The following CCNT1 variants were observed in gnomAD, a reference collection of about 807,000 sequenced individuals.
The protein encoded by CCNT1 is cyclin-T1.
CCNT1 carries 18 observed loss-of-function variants against 67.3 expected under a neutral mutation model. That is an observed-to-expected ratio of 0.27 (90% CI 0.18 to 0.40). The LOEUF is 0.40. CCNT1 is among the 10% of genes least tolerant of loss of function. The probability of loss-of-function intolerance (pLI) is 1.00; values close to 1 mark genes in which losing one functional copy is unlikely to be tolerated. For missense variants in CCNT1, 744 were observed against 884.9 expected, an observed-to-expected ratio of 0.84 and a Z score of 2.02; for synonymous variants, 333 against 310.3, an observed-to-expected ratio of 1.07 and a Z score of -0.77.
At position 48,716,546 on chromosome 12, in the gene CCNT1, G is replaced by A. The variant is rs377260056; in HGVS notation, c.130C>T (p.Leu44=). ...AGACGCTGCCCCATGTCCTGAAGCA[G>A]ATTGGCCGCCTGCTGGCGATAAGAA... ...ELSYRQQAAN[L]LQDMGQRLNV... The change falls in exon 1 of 9, where the codon CTG becomes TTG. Residue 44 remains leucine (L), a synonymous_variant. Coordinates refer to ENST00000261900, the MANE Select transcript of CCNT1 (RefSeq NM_001240.4). The A allele has an allele frequency of 4.3e-6, 7 of 1,614,240 alleles. No individual in the cohort carries two copies. Among genetic ancestry groups the A allele is most frequent in the Non-Finnish European group, 5.9e-6 (7 of 1,180,020 alleles).
At chr12:48,702,031 G>A (rs1164927612) in intron 3 of CCNT1, among the ~76,000 whole-genome samples, 2 of 152,030 alleles carry the variant, frequency 1.3e-5, no homozygotes, top group African/African-American at 4.8e-5. Context: ...CGAGTAGGTG[G>A]GATTACAGGA....
In CCNT1 at chr12:48,693,938, G is replaced by C. The variant is rs751567115; in HGVS notation, c.1276C>G (p.Leu426Val). 1 of 1,614,180 alleles carries C rather than the reference G, an allele frequency of 6.2e-7. No homozygotes were observed. The highest frequency in any genetic ancestry group is 1.1e-5 in the South Asian group (1 of 91,088). ...SQYAYAAQNL[L>V]SHHDSHSSVI... Reference sequence around the variant, plus strand: ...GAAGAATGGCTATCATGATGAGAAAGGAGATTCTGGGCAGCATATGCATAT... The same window carrying C: ...GAAGAATGGCTATCATGATGAGAAACGAGATTCTGGGCAGCATATGCATAT... The change falls in exon 9 of 9, where the codon CTT (leucine) becomes GTT (valine). Residue 426 changes from leucine (L) to valine (V), a missense_variant. By Grantham distance (32) the Leu-to-Val change is conservative. Around this residue, in one of 3 missense-constraint regions of CCNT1, gnomAD observed 564 missense variants for 574.2 expected, o/e 0.98. Coordinates refer to ENST00000261900, the MANE Select transcript of CCNT1 (RefSeq NM_001240.4).
At chr12:48,695,066 C>G (rs538506712) in intron 8 of CCNT1, among the ~76,000 whole-genome samples, 3 of 152,198 alleles carry the variant, frequency 2.0e-5, no homozygotes, top group Admixed American at 2.0e-4. Flanking sequence ...TCAGTTGATC[C>G]GCCTGCCTTG....
chr12:48,714,252 T>C (rs1207770057), intron 2 of CCNT1, among the ~76,000 whole-genome samples, 191 bp downstream of exon 2: 1 of 152,064 alleles, frequency 6.6e-6, no homozygotes, highest in Admixed American at 6.6e-5. Context: ...CTAAATCCAC[T>C]AGACAAGTAG....
rs776315666 is a variant in CCNT1 at position 48,693,002 on chromosome 12, G to T, written c.*31C>A. Reference sequence around the variant, plus strand: ...AAGAAAAATTATGTGTTTTTTTAAAGAAGTTTTTTTCTCCTCTTCTTTTTC... The same window carrying T: ...AAGAAAAATTATGTGTTTTTTTAAATAAGTTTTTTTCTCCTCTTCTTTTTC... On this transcript the variant is annotated 3_prime_UTR_variant, in exon 9 of 9. Transcript: ENST00000261900. 5 of 1,352,152 alleles carry T rather than the reference G, an allele frequency of 3.7e-6. No homozygotes were observed. The South Asian group carries it at 4.4e-5, about 12-fold the overall frequency. The allele number at this position is 1,352,152 out of a possible 1,614,324, so 83.8% of individuals were successfully genotyped here. A position where few individuals can be genotyped will look rare whatever the true frequency, so the allele number is the denominator to read the frequency against.
intron 5 of CCNT1, among the ~76,000 whole-genome samples, chr12:48,699,391 A>G (rs1008662688): frequency 1.3e-5 from 2 of 152,218 alleles, no homozygotes; most frequent in African/African-American, 4.8e-5. Context: ...AATTAAAAAG[A>G]AAAGTTCTGC....
chr12:48,694,941 A>G (rs1030683047), intron 8 of CCNT1, among the ~76,000 whole-genome samples: 2 of 152,202 alleles, frequency 1.3e-5, no homozygotes, highest in African/African-American at 2.4e-5. Flanking sequence ...CTCCTGTCTC[A>G]GCCTCCCAAG....
Position 48,695,820 on chromosome 12 carries a change from T to C in CCNT1, c.716A>G (p.His239Arg). 1 of 1,610,532 alleles carries C rather than the reference T, an allele frequency of 6.2e-7. No homozygotes were observed. The highest frequency in any genetic ancestry group is 8.5e-7 in the Non-Finnish European group (1 of 1,176,674). ...TTTCTCCAAAATCTGTAGAAACTCA[T>C]GTGTCAGTTCTACAAGTAAAACAGA... ...VTLELLDELT[H>R]EFLQILEKTP... is the part of the protein sequence containing the mutation. The change falls in exon 8 of 9, where the codon CAT becomes CGT. Residue 239 changes from histidine to arginine, a missense_variant. By Grantham distance (29) the His-to-Arg change is conservative. Transcript: ENST00000261900.
chr12:48,695,974 C>T, intron 7 of CCNT1, 25 bp downstream of exon 7: 1 of 1,612,276 alleles, frequency 6.2e-7, no homozygotes, highest in South Asian at 1.1e-5. Flanking sequence ...AAGTGCTTTT[C>T]AAGGTCCCTT....
rs1940158791 is a variant in CCNT1 at position 48,695,651 on chromosome 12, TA to T, written c.777+107del. On this transcript the variant is annotated intron_variant, in intron 8 of 8. Transcript: ENST00000261900. ...AGAAGTCATGATTACTGTGTAACTA[TA>T]AAAAGGGCAATTCCAAACCTAGGGT... is the stretch of plus-strand genomic sequence containing the variant. The T allele has an allele frequency of 7.1e-6, 5 of 708,832 alleles. No homozygotes were observed. The African/African-American group carries it at 7.2e-5, about 10-fold the overall frequency. 43.9% of individuals were successfully genotyped at this position (708,832 alleles called of 1,614,324 possible). A position where few individuals can be genotyped will look rare whatever the true frequency, so the allele number is the denominator to read the frequency against.
At chr12:48,699,544 C>A (rs74088137) in intron 5 of CCNT1, among the ~76,000 whole-genome samples, 1 of 152,170 alleles carries the variant, frequency 6.6e-6, no homozygotes, top group Non-Finnish European at 1.5e-5. Flanking sequence ...ACAAACTGCC[C>A]AACTTTGACA....
chr12:48,704,808 C>CA (rs370555291), intron 3 of CCNT1, among the ~76,000 whole-genome samples: 2,307 of 149,754 alleles, frequency 0.015, 74 homozygotes, highest in African/African-American at 0.053. Flanking sequence ...GATTCCGTCT[C>CA]AAAAAAAAAG....
At chr12:48,697,005 G>C (rs920760489) in intron 6 of CCNT1, among the ~76,000 whole-genome samples, 1 of 151,908 alleles carries the variant, frequency 6.6e-6, no homozygotes, top group Non-Finnish European at 1.5e-5. Flanking sequence ...GCCAATTTTC[G>C]TATTTTTTAG....
In CCNT1 at chr12:48,689,925, G is replaced by A. The variant is rs1940046403; in HGVS notation, c.*3108C>T. 6.6e-6 allele frequency: 1 copy of A among 152,168 alleles called. No homozygotes were observed. The allele number at this position is 152,168 out of a possible 1,614,324, so 9.4% of individuals were successfully genotyped here. On this transcript the variant is annotated 3_prime_UTR_variant, in exon 9 of 9. Transcript: ENST00000261900. ...GATTTAAAATTTTTCTGTCAACACT[G>A]GTAAAGCCAATAATACTGAACTATG...
intron 3 of CCNT1, among the ~76,000 whole-genome samples, chr12:48,704,290 G>C (rs1940319660): frequency 6.6e-6 from 1 of 152,224 alleles, no homozygotes; most frequent in African/African-American, 2.4e-5. Flanking sequence ...ACGAGTGAGT[G>C]AAGCTTCATC....
In CCNT1 at chr12:48,690,112, G is replaced by A. The variant is rs930669803; in HGVS notation, c.*2921C>T. 3 of 152,190 alleles carry A rather than the reference G, an allele frequency of 2.0e-5. No individual in the cohort carries two copies. Among genetic ancestry groups the A allele is most frequent in the Admixed American group, 1.3e-4 (2 of 15,278 alleles). The allele number at this position is 152,190 out of a possible 1,614,324, so 9.4% of individuals were successfully genotyped here. On this transcript the variant is annotated 3_prime_UTR_variant, in exon 9 of 9. Coordinates refer to ENST00000261900, the MANE Select transcript of CCNT1 (RefSeq NM_001240.4). ...AGCATAACTGATACTTCAGAAGACC[G>A]ATTTGGATCGATGCTTCACTACAGT... is the stretch of plus-strand genomic sequence containing the variant.
intron 5 of CCNT1, among the ~76,000 whole-genome samples, chr12:48,699,037 A>C (rs1272955255): frequency 6.6e-6 from 1 of 152,210 alleles, no homozygotes; most frequent in Non-Finnish European, 1.5e-5. Flanking sequence ...ATAATGTAAT[A>C]TATTACAATG....
intron 2 of CCNT1, among the ~76,000 whole-genome samples, chr12:48,709,489 A>G (rs1940415327): frequency 6.6e-6 from 1 of 152,222 alleles, no homozygotes; most frequent in African/African-American, 2.4e-5. Context: ...AGACTATCCC[A>G]TGAAACATAA....
Position 48,693,334 on chromosome 12 carries a change from T to C in CCNT1, c.1880A>G (p.Gln627Arg). 1 of 1,614,214 alleles carries C rather than the reference T, an allele frequency of 6.2e-7. No individual in the cohort carries two copies. The highest frequency in any genetic ancestry group is 8.5e-7 in the Non-Finnish European group (1 of 1,180,034). The stretch of plus-strand genomic sequence containing the variant: ...AGGGACACGAGTTTTACAGCTGGGC[T>C]GTGAAAAGGAAAGGCCACTTGTGTC... ...SSDTSGLSFS[Q>R]PSCKTRVPHS... The change falls in exon 9 of 9, where the codon CAG (glutamine) becomes CGG (arginine). Residue 627 changes from glutamine to arginine, a missense_variant. Physicochemically the swap from Gln to Arg is conservative, Grantham distance 43. Coordinates refer to ENST00000261900, the MANE Select transcript of CCNT1 (RefSeq NM_001240.4).
Sources: allele counts gnomAD v4.1 joint callset (sites outside exome capture counted in the v4.1 genomes callset), GRCh38; gene constraint gnomAD v4.1.1; regional missense constraint gnomAD v4.1.1; transcripts MANE v1.5; gene names NCBI Gene and HGNC (gene_info 2026-07-23, HGNC 2026-07-21).